Variants in INTS12 observed in about 807,000 individuals in gnomAD.
The protein encoded by INTS12 is integrator complex subunit 12, also known as PHD finger protein 22.
INTS12 carries 13 observed loss-of-function variants against 41.6 expected under a neutral mutation model. That is an observed-to-expected ratio of 0.31 (90% CI 0.20 to 0.50). INTS12 has a LOEUF of 0.50. Ranked by LOEUF, INTS12 falls within the 20% of genes least tolerant of loss-of-function variation. INTS12 has a pLI of 0.98. For synonymous variants in INTS12, 199 were observed against 191.4 expected (o/e 1.04, Z -0.33); for missense variants, 432 against 541.6 (o/e 0.80, Z 2.01).
intron 3 of INTS12, among the ~76,000 whole-genome samples, chr4:105,697,429 G>GA (rs138838235): frequency 0.045 from 6,804 of 152,218 alleles, 209 homozygotes; most frequent in Middle Eastern, 0.13. Context: ...GGGAAGAGAA[G>GA]AAAAAGGAAG....
intron 1 of INTS12, among the ~76,000 whole-genome samples, chr4:105,707,165 C>A (rs1296811859): frequency 6.6e-6 from 1 of 152,084 alleles, no homozygotes; most frequent in African/African-American, 2.4e-5. Flanking sequence ...TATATATCTA[C>A]ATCCTATCAA....
chr4:105,696,631 G>A (rs1731878309), intron 3 of INTS12, among the ~76,000 whole-genome samples: 1 of 152,060 alleles, frequency 6.6e-6, no homozygotes, highest in African/African-American at 2.4e-5. Flanking sequence ...TGGGTTGTCT[G>A]CAGTTTGGGA....
chr4:105,707,942 A>G, intron 1 of INTS12: 2 of 985,272 alleles, frequency 2.0e-6, no homozygotes, highest in Non-Finnish European at 2.4e-6. Context: ...AAGAAGTCCA[A>G]AGTTGATCAT....
At chr4:105,691,891 T>G in intron 6 of INTS12, 85 bp downstream of exon 6, 1 of 986,004 alleles carries the variant, frequency 1.0e-6, no homozygotes, top group South Asian at 2.1e-5. Flanking sequence ...TTCAATATCT[T>G]AAATATTCAA....
chr4:105,694,285 A>G (rs888230737), intron 4 of INTS12, among the ~76,000 whole-genome samples: 1 of 152,222 alleles, frequency 6.6e-6, no homozygotes, highest in African/African-American at 2.4e-5. Flanking sequence ...GAGTGGAGAA[A>G]AAGTTACCAA....
At chr4:105,696,527 T>C (rs1463318313) in intron 3 of INTS12, among the ~76,000 whole-genome samples, 1 of 152,238 alleles carries the variant, frequency 6.6e-6, no homozygotes, top group Non-Finnish European at 1.5e-5. Flanking sequence ...TGTTGTTTAG[T>C]GTATCAATAG....
chr4:105,687,129 T>A (rs1731525227), intron 6 of INTS12: 1 of 341,022 alleles, frequency 2.9e-6, no homozygotes, highest in African/African-American at 2.2e-5. Context: ...AAGAGCAAAA[T>A]CACAAACTAT....
intron 2 of INTS12, among the ~76,000 whole-genome samples, chr4:105,702,296 C>G (rs978852835): frequency 6.6e-6 from 1 of 151,706 alleles, no homozygotes; most frequent in Non-Finnish European, 1.5e-5. Flanking sequence ...CCACCACACC[C>G]GGCTAATTTT....
rs1412212785 is a variant in INTS12 at position 105,686,791 on chromosome 4, A to G, written c.705T>C (p.Val235=). The G allele has an allele frequency of 6.2e-7, 1 of 1,613,964 alleles. No individual in the cohort carries two copies. The highest frequency in any genetic ancestry group is 8.5e-7 in the Non-Finnish European group (1 of 1,179,934). The change falls in exon 7 of 8, where the codon GTT becomes GTC. Residue 235 remains valine (V), a synonymous_variant. Transcript: ENST00000340139. ...KPPQKPAPAV[V]SVTPAVKDPL... is the part of the protein sequence containing the mutation. ...GATCTTTGACAGCTGGAGTTACAGA[A>G]ACAACTGCAGGGGCTGGTTTCTGCG...
rs1731378303 is a variant in INTS12, at chr4:105,683,116, G to C, written c.1006C>G (p.Leu336Val). 1 of 1,614,070 alleles carries C rather than the reference G, an allele frequency of 6.2e-7. No homozygotes were observed. The highest frequency in any genetic ancestry group is 2.2e-5 in the East Asian group (1 of 44,886). The stretch of plus-strand genomic sequence containing the variant: ...ATTCCACCTTTGGATGATGTTGCCA[G>C]ACCAGTCAAACCCACAGGTTTCTGG... ...ANQKPVGLTGLATSSKGGIGS... is the reference protein window; with the variant it reads ...ANQKPVGLTGVATSSKGGIGS... The change falls in exon 8 of 8, where the codon CTG becomes GTG. Residue 336 changes from leucine to valine, a missense_variant. Leu to Val is a conservative substitution (Grantham distance 32, BLOSUM62 1). Transcript: ENST00000340139.
intron 7 of INTS12, 47 bp from the exon 8 acceptor site, chr4:105,683,364 T>C (rs1731392723): frequency 1.5e-6 from 2 of 1,325,064 alleles, no homozygotes; most frequent in Non-Finnish European, 2.0e-6. Flanking sequence ...GTTTAATCAG[T>C]ACCTGTATAA....
In INTS12 at chr4:105,682,681, A is replaced by G. The variant is rs1578376141; in HGVS notation, c.*52T>C. The G allele has an allele frequency of 1.3e-5, 17 of 1,308,146 alleles. No homozygotes were observed. The highest frequency in any genetic ancestry group is 1.7e-5 in the Non-Finnish European group (16 of 917,442). 81.0% of individuals were successfully genotyped at this position (1,308,146 alleles called of 1,614,324 possible). A position where few individuals can be genotyped will look rare whatever the true frequency, so the allele number is the denominator to read the frequency against. On this transcript the variant is annotated 3_prime_UTR_variant, in exon 8 of 8. Transcript: ENST00000340139. ...AGTGTATTACAGATTATATCATAAT[A>G]ATAAGCCTTTCATCTTTAGGCTAAT...
intron 2 of INTS12, among the ~76,000 whole-genome samples, chr4:105,702,653 C>T (rs1445325975): frequency 6.6e-6 from 1 of 152,084 alleles, no homozygotes; most frequent in African/African-American, 2.4e-5. Flanking sequence ...ATCCAGGGAC[C>T]TCTTCAAAGT....
rs556799425 is a variant in INTS12, at chr4:105,696,813, C to T, written c.157-1145G>A. 3.3e-5 allele frequency among the ~76,000 whole-genome samples: 5 copies of T among 152,262 alleles called. No homozygotes were observed. In the South Asian group the frequency reaches 1.0e-3, roughly 32 times the overall value. On this transcript the variant is annotated intron_variant, in intron 3 of 7. Transcript: ENST00000340139. ...AGTACCATTTTATATTTCCACCAAG[C>T]ATATATGAGAGAGTTCCAGTTCCTT...
At chr4:105,698,839 G>A (rs894956850) in intron 3 of INTS12, among the ~76,000 whole-genome samples, 1 of 152,188 alleles carries the variant, frequency 6.6e-6, no homozygotes, top group Non-Finnish European at 1.5e-5. Context: ...CCTCTCTTGA[G>A]CTTCAGATTC....
At chr4:105,685,140 AT>A (rs1354206299) in intron 7 of INTS12, among the ~76,000 whole-genome samples, 2 of 152,130 alleles carry the variant, frequency 1.3e-5, no homozygotes, top group African/African-American at 4.8e-5. Flanking sequence ...TAGAAAAGAC[AT>A]TTGCTTTTTA....
At chr4:105,693,517 A>C (rs746414355) in intron 4 of INTS12, 31 bp from the exon 5 acceptor site, 1 of 1,573,450 alleles carries the variant, frequency 6.4e-7, no homozygotes, top group African/African-American at 1.3e-5. Flanking sequence ...AAAATGATAA[A>C]GTAATGTGGT....
At chr4:105,699,731 C>T in intron 3 of INTS12, 119 bp downstream of exon 3, 1 of 747,622 alleles carries the variant, frequency 1.3e-6, no homozygotes, top group Non-Finnish European at 2.0e-6. Context: ...AATATAATTT[C>T]TTCATGCTAC....
chr4:105,686,564 A>G (rs1731504278), intron 7 of INTS12, 128 bp downstream of exon 7: 2 of 634,358 alleles, frequency 3.2e-6, no homozygotes, highest in African/African-American at 3.7e-5. Context: ...AATAGTAGTA[A>G]AGTCTTAATT....
Sources: gnomAD v4.1 joint callset for allele counts (sites outside exome capture counted in the v4.1 genomes callset) on GRCh38, gnomAD v4.1.1 for gene constraint, MANE v1.5 for transcripts, NCBI Gene and HGNC (gene_info 2026-07-23, HGNC 2026-07-21) for gene names.